ALPL: variants seen among roughly 807,000 people sequenced by gnomAD.
ALPL encodes alkaline phosphatase, tissue-nonspecific isozyme.
In ALPL, 42 loss-of-function variants were observed where a neutral mutation model predicts 51.3. The ratio of observed to expected loss-of-function variants is 0.82; its 90% CI spans 0.64 to 1.06. The LOEUF is 1.06. Among genes scored for constraint, ALPL ranks in the 50% least tolerant of loss-of-function variants. ALPL has a pLI of 0.00. For synonymous variants in ALPL, 279 were observed against 296.4 expected, an observed-to-expected ratio of 0.94 and a Z score of 0.60; for missense variants, 589 against 709.4, an observed-to-expected ratio of 0.83 and a Z score of 1.93.
At chr1:21,554,950 CT>C (rs1644394008) in intron 2 of ALPL, among the ~76,000 whole-genome samples, 1 of 142,950 alleles carries the variant, frequency 7.0e-6, no homozygotes, top group Non-Finnish European at 1.5e-5. Context: ...TCTTTCCTTT[CT>C]TTCCTTTCTT....
chr1:21,537,885 C>T (rs1320169285), intron 1 of ALPL, among the ~76,000 whole-genome samples: 5 of 152,332 alleles, frequency 3.3e-5, no homozygotes, highest in East Asian at 3.9e-4. Flanking sequence ...GCCCCCGGCG[C>T]GTAGTAGTTG....
intron 1 of ALPL, among the ~76,000 whole-genome samples, chr1:21,531,126 G>A (rs1644024557): frequency 6.6e-6 from 1 of 151,908 alleles, no homozygotes; most frequent in Non-Finnish European, 1.5e-5. Context: ...GCTAATTTTT[G>A]TATTTTTAGT....
chr1:21,521,248 G>A (rs762194194), intron 1 of ALPL, among the ~76,000 whole-genome samples: 2 of 151,976 alleles, frequency 1.3e-5, no homozygotes, highest in South Asian at 2.1e-4. Context: ...ACAACGGCGC[G>A]ATCTCGGCTC....
At chr1:21,547,640 C>T (rs1269896530) in intron 1 of ALPL, among the ~76,000 whole-genome samples, 1 of 152,212 alleles carries the variant, frequency 6.6e-6, no homozygotes, top group African/African-American at 2.4e-5. Context: ...ATTTCTCTTA[C>T]TCTTCATGGT....
chr1:21,542,489 G>C (rs1330258018), intron 1 of ALPL, among the ~76,000 whole-genome samples: 1 of 152,212 alleles, frequency 6.6e-6, no homozygotes, highest in African/African-American at 2.4e-5. Flanking sequence ...TTTGGACAAT[G>C]GGATGATCTC....
chr1:21,575,929 G>T lies in ALPL; in HGVS notation c.1189+5G>T. On this transcript the variant is annotated splice_donor_5th_base_variant and intron_variant, in intron 10 of 11. Coordinates refer to ENST00000374840, the MANE Select transcript of ALPL (RefSeq NM_000478.6). ...CCCGTGGCAACTCTATCTTTGGTAGGTGGGCCTTCTTTGGGGTGGACACTC... is the reference window on the plus strand; with the variant it reads ...CCCGTGGCAACTCTATCTTTGGTAGTTGGGCCTTCTTTGGGGTGGACACTC... 6.2e-7 allele frequency: 1 copy of T among 1,614,220 alleles called. No homozygotes were observed. The highest frequency in any genetic ancestry group is 8.5e-7 in the Non-Finnish European group (1 of 1,180,040).
intron 8 of ALPL, among the ~76,000 whole-genome samples, chr1:21,571,019 A>G (rs10917011): frequency 0.18 from 27,921 of 152,178 alleles, 3,145 homozygotes; most frequent in East Asian, 0.45. Context: ...AGAGCTGTGC[A>G]CCTGGTGGGT....
At chr1:21,515,542 C>T (rs1221319131) in intron 1 of ALPL, among the ~76,000 whole-genome samples, 3 of 152,210 alleles carry the variant, frequency 2.0e-5, no homozygotes, top group African/African-American at 7.2e-5. Context: ...GCACATGCCA[C>T]CACACCCAGC....
chr1:21,574,532 T>TAC (rs3835555), intron 9 of ALPL: 85,605 of 152,470 alleles, frequency 0.56, 24,482 homozygotes, highest in East Asian at 0.8. Context: ...TCGGTATGTA[T>TAC]ACACACACAT....
intron 8 of ALPL, 91 bp from the exon 9 acceptor site, chr1:21,573,574 C>G: frequency 6.5e-7 from 1 of 1,529,326 alleles, no homozygotes; most frequent in South Asian, 1.2e-5. Context: ...TGTGGGGAGC[C>G]TGCATTCCCT....
chr1:21,550,670 G>A (rs1056932973), intron 1 of ALPL, among the ~76,000 whole-genome samples: 34 of 151,938 alleles, frequency 2.2e-4, no homozygotes, highest in African/African-American at 8.2e-4. Flanking sequence ...AAACCGAACC[G>A]CACCAGCACC....
intron 1 of ALPL, among the ~76,000 whole-genome samples, chr1:21,542,834 T>TC (rs1356161961): frequency 6.6e-6 from 1 of 151,174 alleles, no homozygotes; most frequent in Non-Finnish European, 1.5e-5. Context: ...CAAGACTCCA[T>TC]CCCCCCAATC....
At chr1:21,551,031 CG>C (rs1644313936) in intron 1 of ALPL, among the ~76,000 whole-genome samples, 1 of 152,186 alleles carries the variant, frequency 6.6e-6, no homozygotes, top group South Asian at 2.1e-4. Flanking sequence ...TGATCAGCTT[CG>C]GTAGATCCTG....
chr1:21,514,498 G>A (rs1047087396), intron 1 of ALPL, among the ~76,000 whole-genome samples: 2 of 152,176 alleles, frequency 1.3e-5, no homozygotes, highest in African/African-American at 2.4e-5. Flanking sequence ...GCCAGGGCCT[G>A]GTGATGACAG....
Position 21,577,501 on chromosome 1 carries a change from G to A in ALPL, c.1428G>A (p.Glu476=), listed in dbSNP as rs2148195017. 1.2e-6 allele frequency: 2 copies of A among 1,608,802 alleles called. No individual in the cohort carries two copies. Among genetic ancestry groups the A allele is most frequent in the Non-Finnish European group, 8.5e-7 (1 of 1,179,902 alleles). The change falls in exon 12 of 12, where the codon GAG becomes GAA. Residue 476 remains glutamate, a synonymous_variant. Transcript: ENST00000374840. ...PMAHLLHGVH[E]QNYVPHVMAY... is the part of the protein sequence containing the mutation. The stretch of plus-strand genomic sequence containing the variant: ...CGCACCTGCTGCACGGCGTCCACGA[G>A]CAGAACTACGTCCCCCACGTGATGG...
chr1:21,576,701 G>A, intron 11 of ALPL, 60 bp downstream of exon 11: 1 of 1,605,082 alleles, frequency 6.2e-7, no homozygotes, highest in Non-Finnish European at 8.5e-7. Flanking sequence ...GATGGGCTTG[G>A]GAATAGGGTG....
intron 2 of ALPL, among the ~76,000 whole-genome samples, chr1:21,556,068 C>T (rs140332506): frequency 0.013 from 2,001 of 152,246 alleles, 22 homozygotes; most frequent in Non-Finnish European, 0.019. Flanking sequence ...CCACCGCACC[C>T]GGCCGAGTTT....
At chr1:21,558,873 C>T (rs766818768) in intron 2 of ALPL, among the ~76,000 whole-genome samples, 62 of 152,296 alleles carry the variant, frequency 4.1e-4, no homozygotes, top group Admixed American at 1.6e-3. Context: ...GCCACGGCGA[C>T]GCGTGAGTTT....
intron 1 of ALPL, among the ~76,000 whole-genome samples, chr1:21,521,664 T>A (rs80350972): frequency 0.012 from 1,756 of 152,246 alleles, 41 homozygotes; most frequent in African/African-American, 0.039. Context: ...AGCTCATAAA[T>A]GGTTAGTGAT....
Sources: allele counts gnomAD v4.1 joint callset (sites outside exome capture counted in the v4.1 genomes callset), GRCh38; gene constraint gnomAD v4.1.1; transcripts MANE v1.5; gene names NCBI Gene and HGNC (gene_info 2026-07-23, HGNC 2026-07-21).